TENM4: variants seen among roughly 807,000 people sequenced by gnomAD.
The protein encoded by TENM4 is teneurin transmembrane protein 4.
In TENM4, 82 loss-of-function variants were observed where a neutral mutation model predicts 243.3. That is an observed-to-expected ratio of 0.34 (90% CI 0.28 to 0.40). The LOEUF (loss-of-function observed/expected upper bound fraction) is 0.40, where lower values mean the gene tolerates loss of function less well. Ranked by LOEUF, TENM4 falls within the 10% of genes least tolerant of loss-of-function variation. The pLI is 1.00. For synonymous variants in TENM4, 1,412 were observed against 1,456.3 expected (o/e 0.97, Z 0.69); for missense variants, 3,138 against 3,673.3 (o/e 0.85, Z 3.77).
chr11:79,367,261 G>T (rs12295799), intron 1 of TENM4, among the ~76,000 whole-genome samples: 81,870 of 152,020 alleles, frequency 0.54, 22,632 homozygotes, highest in African/African-American at 0.67. Context: ...CAATACGTGC[G>T]GTTTTCTCTT....
intron 3 of TENM4, among the ~76,000 whole-genome samples, chr11:79,200,852 G>A (rs370316677): frequency 2.0e-5 from 3 of 152,152 alleles, no homozygotes; most frequent in African/African-American, 7.2e-5. Flanking sequence ...TCTAGCTGGG[G>A]CATTACAAGT....
intron 4 of TENM4, among the ~76,000 whole-genome samples, chr11:79,130,376 A>C (rs1160829615): frequency 6.6e-6 from 1 of 152,186 alleles, no homozygotes; most frequent in Non-Finnish European, 1.5e-5. Flanking sequence ...AATGGATCTA[A>C]ACCAAGAAGA....
intron 1 of TENM4, among the ~76,000 whole-genome samples, chr11:79,436,759 C>T (rs996421164): frequency 6.6e-6 from 1 of 152,208 alleles, no homozygotes; most frequent in East Asian, 1.9e-4. Flanking sequence ...CCTCCACCCC[C>T]AAACAGAGGC....
intron 12 of TENM4, among the ~76,000 whole-genome samples, chr11:78,816,854 G>A (rs907270018): frequency 2.0e-5 from 3 of 152,178 alleles, no homozygotes; most frequent in Admixed American, 6.5e-5. Context: ...ACTGTTGCAT[G>A]AGGCATAGAA....
At chr11:79,162,997 C>A (rs1418502894) in intron 3 of TENM4, among the ~76,000 whole-genome samples, 1 of 152,210 alleles carries the variant, frequency 6.6e-6, no homozygotes. Flanking sequence ...GCAGGTTGCA[C>A]ATACATGCAT....
intron 6 of TENM4, among the ~76,000 whole-genome samples, chr11:78,948,405 G>C (rs1471382126): frequency 8.3e-6 from 1 of 119,876 alleles, no homozygotes; most frequent in Non-Finnish European, 1.7e-5. Context: ...ACGGAGTCTT[G>C]CTCTGTTGCC....
intron 12 of TENM4, among the ~76,000 whole-genome samples, chr11:78,844,507 T>C (rs1032390281): frequency 1.3e-5 from 2 of 152,110 alleles, no homozygotes; most frequent in African/African-American, 4.8e-5. Flanking sequence ...CTGGTTGTGG[T>C]GGCGTGTGCC....
At chr11:78,952,771 G>C (rs1283270257) in intron 6 of TENM4, among the ~76,000 whole-genome samples, 2 of 152,108 alleles carry the variant, frequency 1.3e-5, no homozygotes, top group East Asian at 3.9e-4. Flanking sequence ...ATGTTTTCCT[G>C]TTTCTCCTTT....
At chr11:78,887,588 G>A (rs1034647524) in intron 9 of TENM4, among the ~76,000 whole-genome samples, 2 of 152,198 alleles carry the variant, frequency 1.3e-5, no homozygotes, top group Non-Finnish European at 2.9e-5. Context: ...GACTGTCAAC[G>A]TTGGAAGGAA....
chr11:79,346,554 T>A (rs554351750), intron 1 of TENM4, among the ~76,000 whole-genome samples: 17 of 152,274 alleles, frequency 1.1e-4, no homozygotes, highest in African/African-American at 4.1e-4. Context: ...TACGAGTAAT[T>A]AGTAATTACT....
chr11:79,171,671 G>A (rs922825081), intron 3 of TENM4, among the ~76,000 whole-genome samples: 1 of 152,142 alleles, frequency 6.6e-6, no homozygotes, highest in Non-Finnish European at 1.5e-5. Flanking sequence ...CAGGGGGATT[G>A]GTTGAATAAA....
chr11:78,994,106 C>G (rs1858111678), intron 6 of TENM4, among the ~76,000 whole-genome samples: 1 of 152,190 alleles, frequency 6.6e-6, no homozygotes. Flanking sequence ...TAGATTAACC[C>G]TATTCCTAAA....
At chr11:78,931,143 G>T (rs149070016) in intron 6 of TENM4, among the ~76,000 whole-genome samples, 128 of 152,322 alleles carry the variant, frequency 8.4e-4, no homozygotes, top group African/African-American at 2.9e-3. Flanking sequence ...CCAAAAAGGT[G>T]CCAGCTTGCT....
At chr11:79,130,129 G>A (rs967657061) in intron 4 of TENM4, among the ~76,000 whole-genome samples, 2 of 152,134 alleles carry the variant, frequency 1.3e-5, no homozygotes, top group Admixed American at 6.5e-5. Context: ...AGACCCAGAA[G>A]AGAGACAACA....
chr11:78,669,098 A>C lies in TENM4; in HGVS notation c.7247T>G (p.Met2416Arg), dbSNP rs751869725. 1 of 1,613,838 alleles carries C rather than the reference A, an allele frequency of 6.2e-7. No homozygotes were observed. The highest frequency in any genetic ancestry group is 2.2e-5 in the East Asian group (1 of 44,882). ...LYDPLTKLVHMGRRDYDVLAG... is the reference protein window; with the variant it reads ...LYDPLTKLVHRGRRDYDVLAG... The stretch of plus-strand genomic sequence containing the variant: ...CAGCACATCATAATCTCGCCGGCCC[A>C]TGTGGACAAGCTTGGTGAGTGGATC... The change falls in exon 32 of 34, where the codon ATG becomes AGG. Residue 2416 changes from methionine to arginine, a missense_variant. By Grantham distance (91) the Met-to-Arg change is moderately conservative. Around this residue, in one of 2 missense-constraint regions of TENM4, gnomAD observed 2,467 missense variants for 3,059.1 expected, o/e 0.81. Transcript: ENST00000278550. This position sits in a 1 kb window ranked among gnomAD's most constrained non-coding sequence, Gnocchi z 6.4.
chr11:79,286,836 T>G lies in TENM4; in HGVS notation c.-265+10652A>C, dbSNP rs548596033. ...GAGCATCTATTACATAATTGGGAAA[T>G]AGATGAATTAAGATTGGACCTCATT... On this transcript the variant is annotated intron_variant, in intron 2 of 33. Coordinates refer to ENST00000278550, the MANE Select transcript of TENM4 (RefSeq NM_001098816.3). 6.4e-4 allele frequency among the ~76,000 whole-genome samples: 98 copies of G among 152,344 alleles called. 3 individuals carry two copies. In the South Asian group the frequency reaches 0.02, roughly 31 times the overall value.
intron 1 of TENM4, among the ~76,000 whole-genome samples, chr11:79,418,595 C>T (rs1366755610): frequency 6.6e-6 from 1 of 152,184 alleles, no homozygotes; most frequent in African/African-American, 2.4e-5. Context: ...TTCTCATTTT[C>T]CTGTGGATGT....
chr11:79,257,500 G>A (rs1855719930), intron 2 of TENM4, among the ~76,000 whole-genome samples: 1 of 152,114 alleles, frequency 6.6e-6, no homozygotes, highest in Non-Finnish European at 1.5e-5. Flanking sequence ...GAGCCTAATA[G>A]AAACAATGGC....
intron 3 of TENM4, among the ~76,000 whole-genome samples, chr11:79,174,025 A>T (rs1295800859): frequency 6.6e-6 from 1 of 152,168 alleles, no homozygotes; most frequent in African/African-American, 2.4e-5. Context: ...TTATTCCAGG[A>T]GTTTAGAGAT....
Sources: allele counts gnomAD v4.1 joint callset (sites outside exome capture counted in the v4.1 genomes callset), GRCh38; gene constraint gnomAD v4.1.1; regional missense constraint gnomAD v4.1.1; non-coding constraint Gnocchi (gnomAD v3.1); transcripts MANE v1.5; gene names NCBI Gene and HGNC (gene_info 2026-07-23, HGNC 2026-07-21).